ROBO2: variants seen among roughly 807,000 people sequenced by gnomAD.
The protein encoded by ROBO2 is roundabout homolog 2.
In ROBO2, 53 loss-of-function variants were observed where a neutral mutation model predicts 160.8. The ratio of observed to expected loss-of-function variants is 0.33; its 90% confidence interval spans 0.26 to 0.41. The LOEUF is 0.41. ROBO2 is among the 10% of genes least tolerant of loss of function. The probability of loss-of-function intolerance (pLI) is 1.00; values close to 1 mark genes in which losing one functional copy is unlikely to be tolerated. For synonymous variants in ROBO2, 664 were observed against 611.7 expected (o/e 1.09, Z -1.26); for missense variants, 1,577 against 1,722.4 (o/e 0.92, Z 1.49).
At chr3:77,444,685 T>C (rs2153556947) in intron 2 of ROBO2, among the ~76,000 whole-genome samples, 1 of 152,290 alleles carries the variant, frequency 6.6e-6, no homozygotes, top group South Asian at 2.1e-4. Context: ...AGGCTCTCAG[T>C]GGATGACGTA....
At chr3:76,653,218 A>G (rs1055022123) in intron 2 of ROBO2, among the ~76,000 whole-genome samples, 3 of 151,976 alleles carry the variant, frequency 2.0e-5, no homozygotes, top group African/African-American at 7.2e-5. Context: ...TAAAACCTAT[A>G]TATTGTCTTC....
chr3:77,051,672 G>C (rs1333013415), intron 1 of ROBO2, among the ~76,000 whole-genome samples: 1 of 152,236 alleles, frequency 6.6e-6, no homozygotes, highest in African/African-American at 2.4e-5. Context: ...GCAATTGCTT[G>C]TATTGTCTGT....
intron 2 of ROBO2, among the ~76,000 whole-genome samples, chr3:77,272,564 C>A (rs1467062415): frequency 6.6e-6 from 1 of 152,162 alleles, no homozygotes; most frequent in Non-Finnish European, 1.5e-5. Context: ...TACAATTTAT[C>A]ATGAGATTTG....
chr3:76,304,796 T>TTCTTTC (rs2071253683), intron 2 of ROBO2, among the ~76,000 whole-genome samples: 1 of 144,954 alleles, frequency 6.9e-6, no homozygotes, highest in Non-Finnish European at 1.5e-5. Context: ...CTTTCTTTCT[T>TTCTTTC]TCTCTTTCTT....
At chr3:77,245,200 T>A (rs1360393931) in intron 2 of ROBO2, among the ~76,000 whole-genome samples, 1 of 152,144 alleles carries the variant, frequency 6.6e-6, no homozygotes, top group Non-Finnish European at 1.5e-5. Flanking sequence ...CTAAAAAACA[T>A]CATGGGGGAG....
intron 2 of ROBO2, among the ~76,000 whole-genome samples, chr3:76,220,951 C>T (rs1575955515): frequency 6.6e-6 from 1 of 152,124 alleles, no homozygotes; most frequent in Non-Finnish European, 1.5e-5. Context: ...ACTAAACCTT[C>T]GTTTCTAAAA....
chr3:76,904,892 T>C (rs2075486468), intron 2 of ROBO2, among the ~76,000 whole-genome samples: 1 of 152,198 alleles, frequency 6.6e-6, no homozygotes, highest in Admixed American at 6.6e-5. Context: ...GGTAGAGGGA[T>C]CCTTTAATAC....
rs550337289 is a variant in ROBO2, at chr3:76,622,283, A to G, written c.110-475731A>G. Among the ~76,000 whole-genome samples the G allele has an allele frequency of 8.5e-3, 454 of 53,472 alleles. 48 individuals are homozygous for G. The highest frequency in any genetic ancestry group is 0.022 in the African/African-American group (305 of 13,986). The allele number at this position is 53,472 out of a possible 152,430, so 35.1% of individuals were successfully genotyped here. On this transcript the variant is annotated intron_variant, in intron 2 of 26. Coordinates refer to the ROBO2 transcript ENST00000487694. ...GAAAGAAAGAAAGAAAGAAAGAAAG[A>G]AAGAAAGAAAGAAAGAAAGAAAGAA...
intron 2 of ROBO2, among the ~76,000 whole-genome samples, chr3:76,529,985 G>A (rs1244305249): frequency 6.6e-6 from 1 of 152,104 alleles, no homozygotes; most frequent in African/African-American, 2.4e-5. Flanking sequence ...CTCCTCTCCT[G>A]ATCCTAGGAC....
chr3:77,492,550 A>T lies in ROBO2; in HGVS notation c.668-694A>T, dbSNP rs180768725. ...AGAAATAAAAAACATAAAATTAAGT[A>T]AAAAAAAATGGGTAGATATCTCAAA... On this transcript the variant is annotated intron_variant, in intron 4 of 25. Coordinates refer to ENST00000461745, the Ensembl canonical transcript of ROBO2. Among the ~76,000 whole-genome samples, 1,397 of 151,406 alleles carry T rather than the reference A, an allele frequency of 9.2e-3. 15 individuals are homozygous for T. Among genetic ancestry groups the T allele is most frequent in the Admixed American group, 0.011 (166 of 15,172 alleles).
intron 2 of ROBO2, among the ~76,000 whole-genome samples, chr3:76,389,282 G>A (rs1431852869): frequency 2.0e-5 from 3 of 152,182 alleles, no homozygotes; most frequent in South Asian, 4.1e-4. Context: ...GATCTTCAAA[G>A]AATGTAGCAG....
intron 2 of ROBO2, among the ~76,000 whole-genome samples, chr3:76,253,848 G>C (rs1273613801): frequency 1.3e-5 from 2 of 151,440 alleles, no homozygotes; most frequent in African/African-American, 2.4e-5. Flanking sequence ...AAGTAGTTTG[G>C]ATAAATTTCT....
chr3:76,081,761 A>G (rs2068839916), intron 2 of ROBO2, among the ~76,000 whole-genome samples: 1 of 151,912 alleles, frequency 6.6e-6, no homozygotes, highest in Non-Finnish European at 1.5e-5. Context: ...GTGGTATGCT[A>G]AACTATCATG....
intron 1 of ROBO2, among the ~76,000 whole-genome samples, chr3:77,066,537 A>C (rs2066865892): frequency 6.6e-6 from 1 of 152,166 alleles, no homozygotes; most frequent in African/African-American, 2.4e-5. Context: ...ATGTGAAAAA[A>C]GTATTTGTAT....
At chr3:76,233,636 A>C (rs1372249214) in intron 2 of ROBO2, among the ~76,000 whole-genome samples, 2 of 152,080 alleles carry the variant, frequency 1.3e-5, no homozygotes, top group African/African-American at 4.8e-5. Flanking sequence ...ACCACTGTCT[A>C]CTCATTCAAA....
At chr3:76,389,541 T>G (rs879477199) in intron 2 of ROBO2, among the ~76,000 whole-genome samples, 1 of 152,234 alleles carries the variant, frequency 6.6e-6, no homozygotes, top group Non-Finnish European at 1.5e-5. Flanking sequence ...TCCAAATATA[T>G]GACTGCATGT....
Position 76,308,326 on chromosome 3 carries a change from G to A in ROBO2, c.109+370724G>A, listed in dbSNP as rs764570777. Among the ~76,000 whole-genome samples the A allele has an allele frequency of 9.6e-5, 13 of 135,046 alleles. No individual in the cohort carries two copies. In the South Asian group the frequency reaches 1.2e-3, roughly 12 times the overall value. 88.6% of individuals were successfully genotyped at this position (135,046 alleles called of 152,430 possible). On this transcript the variant is annotated intron_variant, in intron 2 of 26. Transcript: ENST00000487694. The stretch of plus-strand genomic sequence containing the variant: ...CAGGAAGCGGAGGTTGCAATAAGGC[G>A]AGATCGCACCACTGCCCTCCAGCCT...
chr3:77,506,126 G>A (rs2088485074), intron 5 of ROBO2, among the ~76,000 whole-genome samples: 1 of 152,122 alleles, frequency 6.6e-6, no homozygotes, highest in African/African-American at 2.4e-5. Context: ...TTAAAAGCTT[G>A]TGCTCATGGC....
At chr3:77,626,865 G>GT (rs1389896234) in intron 23 of ROBO2, among the ~76,000 whole-genome samples, 1 of 152,042 alleles carries the variant, frequency 6.6e-6, no homozygotes, top group African/African-American at 2.4e-5. Context: ...TTTGTGTTAC[G>GT]TTTTTGGAGG....
Sources: allele counts gnomAD v4.1 joint callset (sites outside exome capture counted in the v4.1 genomes callset), GRCh38; gene constraint gnomAD v4.1.1; transcripts MANE v1.5; gene names NCBI Gene and HGNC (gene_info 2026-07-23, HGNC 2026-07-21).